The following PTPRM variants were observed in gnomAD, a reference collection of about 807,000 sequenced individuals.
PTPRM encodes receptor-type tyrosine-protein phosphatase mu.
Under a neutral mutation model 186.7 loss-of-function variants are expected in PTPRM, and 47 were observed. The observed-to-expected ratio is 0.25, with a 90% CI of 0.20 to 0.32. The LOEUF (loss-of-function observed/expected upper bound fraction) is 0.32, where lower values mean the gene tolerates loss of function less well. Among genes scored for constraint, PTPRM ranks in the 10% least tolerant of loss-of-function variants. PTPRM has a pLI of 1.00. For synonymous variants in PTPRM, 668 were observed against 674.9 expected, an observed-to-expected ratio of 0.99 and a Z score of 0.16; for missense variants, 1,494 against 1,865.0, an observed-to-expected ratio of 0.80 and a Z score of 3.66.
At chr18:8,129,120 A>G (rs621197) in intron 13 of PTPRM, among the ~76,000 whole-genome samples, 151,586 of 152,318 alleles carry the variant, frequency 1, 75,431 homozygotes, top group East Asian at 1. Context: ...ACGAAATACT[A>G]TGAAAAAGAA....
intron 2 of PTPRM, among the ~76,000 whole-genome samples, chr18:7,775,482 G>C (rs971888077): frequency 1.3e-5 from 2 of 152,066 alleles, no homozygotes; most frequent in African/African-American, 4.8e-5. Flanking sequence ...ACACAGCTGT[G>C]CTCCTCCTGT....
chr18:7,870,828 G>A (rs191355259), intron 2 of PTPRM, among the ~76,000 whole-genome samples: 1 of 152,184 alleles, frequency 6.6e-6, no homozygotes. Flanking sequence ...TAATAAAAAG[G>A]TTTAGAGATG....
intron 22 of PTPRM, among the ~76,000 whole-genome samples, chr18:8,341,927 G>A (rs62085039): frequency 0.069 from 10,523 of 152,254 alleles, 387 homozygotes; most frequent in South Asian, 0.1. Flanking sequence ...GCCAAGGGAC[G>A]TGGCCAAAAT....
intron 1 of PTPRM, among the ~76,000 whole-genome samples, chr18:7,618,218 C>T (rs750902674): frequency 7.9e-5 from 12 of 152,246 alleles, no homozygotes; most frequent in Non-Finnish European, 1.5e-4. Context: ...TTCAATAGAC[C>T]GTTGAATGAA....
At chr18:7,997,659 T>C (rs935028641) in intron 7 of PTPRM, among the ~76,000 whole-genome samples, 1 of 152,100 alleles carries the variant, frequency 6.6e-6, no homozygotes. Context: ...CTAGAATATA[T>C]GAGGAACTCA....
At chr18:7,653,390 G>A (rs1422163759) in intron 1 of PTPRM, among the ~76,000 whole-genome samples, 1 of 151,908 alleles carries the variant, frequency 6.6e-6, no homozygotes, top group African/African-American at 2.4e-5. Context: ...TGTCATGAAG[G>A]TTTGTTGTAC....
At chr18:8,332,275 A>G (rs2095415984) in intron 22 of PTPRM, among the ~76,000 whole-genome samples, 1 of 152,246 alleles carries the variant, frequency 6.6e-6, no homozygotes, top group Non-Finnish European at 1.5e-5. Context: ...TGATGGTTGA[A>G]GGGTTGTATA....
At chr18:8,067,468 T>C (rs1455227473) in intron 7 of PTPRM, among the ~76,000 whole-genome samples, 1 of 152,228 alleles carries the variant, frequency 6.6e-6, no homozygotes, top group Non-Finnish European at 1.5e-5. Flanking sequence ...AGAATGCCAC[T>C]CACGATTTCT....
At chr18:7,987,545 C>T (rs1327711720) in intron 7 of PTPRM, among the ~76,000 whole-genome samples, 1 of 152,042 alleles carries the variant, frequency 6.6e-6, no homozygotes, top group Non-Finnish European at 1.5e-5. Context: ...GGAGACAAAC[C>T]TACAGCAAAC....
At chr18:7,649,472 A>C (rs1271933782) in intron 1 of PTPRM, among the ~76,000 whole-genome samples, 1 of 152,224 alleles carries the variant, frequency 6.6e-6, no homozygotes, top group Non-Finnish European at 1.5e-5. Flanking sequence ...CCTCCTGGAA[A>C]GTGTTCACTG....
At chr18:7,808,104 T>A (rs2044325757) in intron 2 of PTPRM, among the ~76,000 whole-genome samples, 1 of 152,202 alleles carries the variant, frequency 6.6e-6, no homozygotes, top group African/African-American at 2.4e-5. Context: ...GCTTCAGGGA[T>A]TGTATTATAG....
chr18:7,904,724 G>T (rs1761468528), intron 3 of PTPRM, among the ~76,000 whole-genome samples: 1 of 152,142 alleles, frequency 6.6e-6, no homozygotes, highest in South Asian at 2.1e-4. Flanking sequence ...CTGTAAATAT[G>T]ATGTGCACAG....
intron 31 of PTPRM, among the ~76,000 whole-genome samples, chr18:8,389,200 G>C (rs540407682): frequency 6.6e-6 from 1 of 152,302 alleles, no homozygotes; most frequent in East Asian, 1.9e-4. Flanking sequence ...TGCATCTGGA[G>C]ACCCCCAGCG....
chr18:8,207,859 C>T (rs2093951426), intron 14 of PTPRM, among the ~76,000 whole-genome samples: 1 of 152,098 alleles, frequency 6.6e-6, no homozygotes, highest in Non-Finnish European at 1.5e-5. Flanking sequence ...ATCCCTGGAC[C>T]AGCAATGAGG....
At chr18:8,270,557 A>G (rs948431268) in intron 19 of PTPRM, 8 of 152,140 alleles carry the variant, frequency 5.3e-5, no homozygotes, top group Admixed American at 2.6e-4. Flanking sequence ...CTGGACTCCA[A>G]TGCTCATTAC....
At chr18:7,705,279 TTATCTATCTATCTATCTATC>T (rs67662119) in intron 1 of PTPRM, among the ~76,000 whole-genome samples, 4,027 of 146,576 alleles carry the variant, frequency 0.027, 72 homozygotes, top group Non-Finnish European at 0.039. Flanking sequence ...AAATATCTAT[TTATCTATCTATCTATCTATC>T]TATCTATCTA....
At chr18:7,916,856 AG>A (rs2146678854) in intron 4 of PTPRM, among the ~76,000 whole-genome samples, 1 of 152,294 alleles carries the variant, frequency 6.6e-6, no homozygotes, top group African/African-American at 2.4e-5. Flanking sequence ...TGTTAATTAT[AG>A]TCACCCTACA....
At chr18:7,731,375 G>A (rs16952466) in intron 1 of PTPRM, among the ~76,000 whole-genome samples, 3,212 of 152,228 alleles carry the variant, frequency 0.021, 96 homozygotes, top group East Asian at 0.11. Flanking sequence ...GAAAATAGAC[G>A]TGCTCAATTG....
intron 1 of PTPRM, among the ~76,000 whole-genome samples, chr18:7,772,821 GT>G (rs2042393276): frequency 6.6e-6 from 1 of 152,002 alleles, no homozygotes; most frequent in South Asian, 2.1e-4. Flanking sequence ...TTAAATTCAT[GT>G]TTTCTTGAAT....
Sources: gnomAD v4.1 joint callset for allele counts (sites outside exome capture counted in the v4.1 genomes callset) on GRCh38, gnomAD v4.1.1 for gene constraint, MANE v1.5 for transcripts, NCBI Gene and HGNC (gene_info 2026-07-23, HGNC 2026-07-21) for gene names.